Variants in ATP10B observed in about 807,000 individuals in gnomAD.
ATP10B encodes the protein ATPase phospholipid transporting 10B (putative).
A neutral mutation model predicts 141.2 loss-of-function variants in ATP10B; 122 were observed. That is an observed-to-expected ratio of 0.86 (90% CI 0.75 to 1.00). The LOEUF is 1.00. Among genes scored for constraint, ATP10B ranks in the 50% least tolerant of loss-of-function variants. The pLI, the probability that ATP10B is intolerant of heterozygous loss-of-function variation, is 0.00. For synonymous variants in ATP10B, 685 were observed against 692.0 expected (o/e 0.99, Z 0.16); for missense variants, 1,876 against 1,825.3 (o/e 1.03, Z -0.51).
At chr5:160,755,814 C>CAAAA (rs763385041) in intron 2 of ATP10B, among the ~76,000 whole-genome samples, 1 of 48,174 alleles carries the variant, frequency 2.1e-5, no homozygotes, top group African/African-American at 6.6e-5. Context: ...GACTCCGTCT[C>CAAAA]AAAAAAAAAA....
At chr5:160,778,044 T>C (rs546889552) in intron 2 of ATP10B, among the ~76,000 whole-genome samples, 2 of 152,300 alleles carry the variant, frequency 1.3e-5, no homozygotes, top group East Asian at 1.9e-4. Context: ...GATACACACA[T>C]ACAAAGTGGT....
At chr5:160,771,362 A>G (rs1183572053) in intron 2 of ATP10B, among the ~76,000 whole-genome samples, 1 of 152,138 alleles carries the variant, frequency 6.6e-6, no homozygotes, top group Non-Finnish European at 1.5e-5. Context: ...TTTAACTTCC[A>G]TTTCTTCTAA....
the ATP10B span, among the ~76,000 whole-genome samples, chr5:160,918,878 A>C: frequency 8.5e-5 from 13 of 152,314 alleles, no homozygotes; most frequent in Non-Finnish European, 1.6e-4. Flanking sequence ...AAAATGACCT[A>C]GTACCTGTAT....
At chr5:160,683,924 T>G (rs1445501487) in intron 6 of ATP10B, among the ~76,000 whole-genome samples, 1 of 152,232 alleles carries the variant, frequency 6.6e-6, no homozygotes, top group Non-Finnish European at 1.5e-5. Flanking sequence ...ACAACCTAGT[T>G]TAGTCATTTG....
In ATP10B at chr5:160,649,098, G is replaced by C. The variant is rs1016030156; in HGVS notation, c.761+73C>G. ...CAGGATGAAGATGCTTATTTGTTTG[G>C]TCATTTCTAGACAATATATTTTCTA... On this transcript the variant is annotated intron_variant, in intron 8 of 25. Transcript: ENST00000327245. 3.6e-6 allele frequency: 4 copies of C among 1,098,214 alleles called. No individual in the cohort carries two copies. The African/African-American group carries it at 6.2e-5, about 17-fold the overall frequency. The allele number at this position is 1,098,214 out of a possible 1,614,324, so 68.0% of individuals were successfully genotyped here. A position where few individuals can be genotyped will look rare whatever the true frequency, so the allele number is the denominator to read the frequency against.
At position 160,632,379 on chromosome 5, in the gene ATP10B, G is replaced by A. The variant is rs775535223; in HGVS notation, c.1382-12C>T. The stretch of plus-strand genomic sequence containing the variant: ...CTCCAGTCGCTTAGCTGCAAGAAAG[G>A]AGTCCTGTTATTGCACTAGTTGTAC... On this transcript the variant is annotated splice_polypyrimidine_tract_variant and intron_variant, in intron 12 of 25. Transcript: ENST00000327245. 1.3e-5 allele frequency: 21 copies of A among 1,612,552 alleles called. No homozygotes were observed. The East Asian group carries it at 4.5e-4, about 34-fold the overall frequency.
chr5:160,829,558 T>C lies in ATP10B; in HGVS notation c.-576+22383A>G, dbSNP rs532590684. On this transcript the variant is annotated intron_variant, in intron 1 of 25. Coordinates refer to ENST00000327245, the MANE Select transcript of ATP10B (RefSeq NM_025153.3). ...ATCTCTAAATTCCAATAGGGAAGTATGGCCATATTAATGATATCAGTTCTT... is the reference window on the plus strand; with the variant it reads ...ATCTCTAAATTCCAATAGGGAAGTACGGCCATATTAATGATATCAGTTCTT... Among the ~76,000 whole-genome samples the C allele has an allele frequency of 2.0e-5, 3 of 152,238 alleles. No homozygotes were observed. The South Asian group carries it at 6.2e-4, about 32-fold the overall frequency.
At position 160,620,367 on chromosome 5, in the gene ATP10B, A is replaced by G; in HGVS notation, c.2396T>C (p.Leu799Pro). 1 of 1,611,846 alleles carries G rather than the reference A, an allele frequency of 6.2e-7. No homozygotes were observed. The change falls in exon 15 of 26, where the codon CTG (leucine) becomes CCG (proline). Residue 799 changes from leucine to proline, a missense_variant. Transcript: ENST00000327245. ...CTCACCGCAGGCTGGGTCTTCCAGC[A>G]GGTCCATGATGACCGAGTCAGCACC... is the stretch of plus-strand genomic sequence containing the variant. ...TKGADSVIMD[L>P]LEDPACVPDI...
the ATP10B span, among the ~76,000 whole-genome samples, chr5:160,898,813 C>A: frequency 6.6e-6 from 1 of 152,078 alleles, no homozygotes; most frequent in African/African-American, 2.4e-5. Flanking sequence ...TACCATGCAG[C>A]CATAAAAAAG....
intron 1 of ATP10B, among the ~76,000 whole-genome samples, chr5:160,796,295 C>A (rs750515851): frequency 4.6e-5 from 7 of 152,188 alleles, no homozygotes; most frequent in South Asian, 4.1e-4. Flanking sequence ...TTAGCCAATA[C>A]ATCAGCAAGT....
intron 1 of ATP10B, among the ~76,000 whole-genome samples, chr5:160,801,297 C>T (rs1302498874): frequency 6.6e-6 from 1 of 152,218 alleles, no homozygotes; most frequent in Non-Finnish European, 1.5e-5. Context: ...ATTGATCCTG[C>T]AGTGCCTTTA....
In ATP10B at chr5:160,828,346, A is replaced by C. The variant is rs1196810076; in HGVS notation, c.-576+23595T>G. On this transcript the variant is annotated intron_variant, in intron 1 of 25. Coordinates refer to ENST00000327245, the MANE Select transcript of ATP10B (RefSeq NM_025153.3). Reference sequence around the variant, plus strand: ...GGCTAATATCCAGAATCTACAATGAACTTAAACAAATTTACAAGATAAAAA... The same window carrying C: ...GGCTAATATCCAGAATCTACAATGACCTTAAACAAATTTACAAGATAAAAA... Among the ~76,000 whole-genome samples the C allele has an allele frequency of 4.2e-3, 638 of 151,886 alleles. 7 individuals carry two copies. Among genetic ancestry groups the C allele is most frequent in the African/African-American group, 0.015 (606 of 41,120 alleles).
chr5:160,751,591 T>G (rs1768152226), intron 2 of ATP10B, among the ~76,000 whole-genome samples: 1 of 152,120 alleles, frequency 6.6e-6, no homozygotes, highest in Admixed American at 6.5e-5. Context: ...AAAGGACTGG[T>G]TCTCGGTGAC....
At chr5:160,607,996 G>A (rs886246465) in intron 18 of ATP10B, among the ~76,000 whole-genome samples, 1 of 152,156 alleles carries the variant, frequency 6.6e-6, no homozygotes, top group African/African-American at 2.4e-5. Flanking sequence ...TGTTACATAT[G>A]TATACGTGTG....
intron 3 of ATP10B, among the ~76,000 whole-genome samples, chr5:160,704,744 G>A (rs1052804702): frequency 1.1e-4 from 17 of 152,122 alleles, no homozygotes; most frequent in South Asian, 2.1e-4. Flanking sequence ...ATTGTTTAGC[G>A]CAGCCACTTT....
At chr5:160,919,977 G>T in the ATP10B span, among the ~76,000 whole-genome samples, 1 of 152,194 alleles carries the variant, frequency 6.6e-6, no homozygotes, top group African/African-American at 2.4e-5. Context: ...TTTTCTGTTT[G>T]TCAAGAAACA....
intron 2 of ATP10B, among the ~76,000 whole-genome samples, chr5:160,782,977 A>G (rs1158634394): frequency 2.0e-5 from 3 of 152,168 alleles, no homozygotes; most frequent in Non-Finnish European, 4.4e-5. Context: ...CAAATTACAT[A>G]TACACATGTA....
chr5:160,588,904 C>T (rs893185920), intron 24 of ATP10B, among the ~76,000 whole-genome samples: 5 of 152,144 alleles, frequency 3.3e-5, no homozygotes, highest in South Asian at 2.1e-4. Context: ...CCTGGAGGCA[C>T]GTTTCTAATC....
chr5:160,630,329 T>A (rs1317401232), intron 13 of ATP10B, among the ~76,000 whole-genome samples: 1 of 152,142 alleles, frequency 6.6e-6, no homozygotes, highest in Admixed American at 6.5e-5. Context: ...TCACTGGCCA[T>A]CAGCTAAAAG....
Sources: gnomAD v4.1 joint callset for allele counts (sites outside exome capture counted in the v4.1 genomes callset) on GRCh38, gnomAD v4.1.1 for gene constraint, MANE v1.5 for transcripts, NCBI Gene and HGNC (gene_info 2026-07-23, HGNC 2026-07-21) for gene names.